Variants in ATOSA observed in about 807,000 individuals in gnomAD.
ATOSA encodes atos homolog protein A.
chr15:52,600,087 A>G, the ATOSA span: 1 of 1,081,468 alleles, frequency 9.2e-7, no homozygotes, highest in Non-Finnish European at 1.4e-6. Context: ...AACCTAGGGT[A>G]TAAAATTTTC....
At chr15:52,672,215 G>A in the ATOSA span, among the ~76,000 whole-genome samples, 19 of 139,518 alleles carry the variant, frequency 1.4e-4, no homozygotes, top group African/African-American at 4.8e-4. Flanking sequence ...CAGGCATAGT[G>A]GCGTGCACCT....
At chr15:52,645,938 A>C in the ATOSA span, among the ~76,000 whole-genome samples, 1 of 152,242 alleles carries the variant, frequency 6.6e-6, no homozygotes, top group Non-Finnish European at 1.5e-5. Flanking sequence ...TTAAAAAGGC[A>C]ACAATCCACT....
At chr15:52,609,388 T>C in the ATOSA span, 1 of 1,613,928 alleles carries the variant, frequency 6.2e-7, no homozygotes, top group Admixed American at 1.7e-5. Context: ...GTCATGCATG[T>C]TGAATGACTG....
the ATOSA span, chr15:52,605,147 G>C: frequency 5.0e-6 from 8 of 1,607,818 alleles, no homozygotes; most frequent in South Asian, 1.1e-5. Context: ...CTTGAAAGAA[G>C]AGGCAATCCA....
the ATOSA span, chr15:52,611,190 GA>G: frequency 1.2e-6 from 2 of 1,613,556 alleles, no homozygotes; most frequent in East Asian, 2.2e-5. Context: ...ACTTAACTGA[GA>G]AAAAAACACA....
the ATOSA span, chr15:52,648,935 GA>G: frequency 2.6e-5 from 4 of 152,084 alleles, no homozygotes; most frequent in Non-Finnish European, 5.9e-5. Context: ...AGTGAAGAAA[GA>G]ACAGAAAGAT....
the ATOSA span, among the ~76,000 whole-genome samples, chr15:52,636,019 A>C: frequency 2.7e-5 from 4 of 147,814 alleles, no homozygotes; most frequent in Non-Finnish European, 4.5e-5. Context: ...ATAATAAATA[A>C]ATATATAAAT....
the ATOSA span, among the ~76,000 whole-genome samples, chr15:52,699,961 T>C: frequency 6.6e-6 from 1 of 152,224 alleles, no homozygotes; most frequent in Admixed American, 6.5e-5. Flanking sequence ...TGGGGCATCC[T>C]AAAACACAGC....
chr15:52,640,125 G>A, the ATOSA span, among the ~76,000 whole-genome samples: 118 of 152,006 alleles, frequency 7.8e-4, 2 homozygotes, highest in East Asian at 0.016. Flanking sequence ...AGATACTTGC[G>A]CAAAGCCCAC....
At chr15:52,697,765 T>C in the ATOSA span, among the ~76,000 whole-genome samples, 1 of 151,656 alleles carries the variant, frequency 6.6e-6, no homozygotes, top group Non-Finnish European at 1.5e-5. Context: ...AATAAAAAAT[T>C]GGGCAAAGAC....
the ATOSA span, among the ~76,000 whole-genome samples, chr15:52,679,549 G>A: frequency 9.3e-4 from 141 of 152,300 alleles, no homozygotes; most frequent in African/African-American, 3.3e-3. Flanking sequence ...CGGCGGGTGC[G>A]AGGGCGCTGG....
chr15:52,593,676 C>T, the ATOSA span: 3 of 1,559,142 alleles, frequency 1.9e-6, no homozygotes, highest in East Asian at 4.8e-5. Flanking sequence ...CTTGCCCCTA[C>T]CTCGGCAGTA....
At chr15:52,600,147 T>C in the ATOSA span, 2 of 1,604,500 alleles carry the variant, frequency 1.2e-6, no homozygotes, top group Non-Finnish European at 1.7e-6. Context: ...CCTAGGAGAC[T>C]AAGACTTGTT....
chr15:52,608,607 A>C, the ATOSA span: 44 of 1,600,624 alleles, frequency 2.7e-5, no homozygotes, highest in African/African-American at 4.3e-4. Context: ...ATGTAGACAA[A>C]CAGTCTTTTA....
At chr15:52,613,817 G>T in the ATOSA span, 1 of 1,613,838 alleles carries the variant, frequency 6.2e-7, no homozygotes, top group Non-Finnish European at 8.5e-7. Context: ...AAGAGACCAA[G>T]AACTCCTCTG....
the ATOSA span, chr15:52,651,888 T>C: frequency 2.0e-6 from 3 of 1,535,566 alleles, no homozygotes; most frequent in African/African-American, 4.1e-5. Flanking sequence ...TGAAGCCCTT[T>C]GTTTCCACTG....
chr15:52,630,550 A>C, the ATOSA span, among the ~76,000 whole-genome samples: 1 of 152,222 alleles, frequency 6.6e-6, no homozygotes, highest in African/African-American at 2.4e-5. Flanking sequence ...AAATATTGCT[A>C]AAGGTATAGA....
At chr15:52,651,231 T>A in the ATOSA span, among the ~76,000 whole-genome samples, 3 of 152,208 alleles carry the variant, frequency 2.0e-5, no homozygotes, top group African/African-American at 7.2e-5. Flanking sequence ...TATGGATGTT[T>A]AATAGAACAC....
At chr15:52,590,560 AATT>A in the ATOSA span, 1 of 152,226 alleles carries the variant, frequency 6.6e-6, no homozygotes, top group African/African-American at 2.4e-5. Flanking sequence ...GAGGTCCCAA[AATT>A]ATTATTAGAG....
Sources: allele counts gnomAD v4.1 joint callset (sites outside exome capture counted in the v4.1 genomes callset), GRCh38; gene constraint gnomAD v4.1.1; transcripts MANE v1.5; gene names NCBI Gene and HGNC (gene_info 2026-07-23, HGNC 2026-07-21).